The following BUD23 variants were observed in gnomAD, a reference collection of about 807,000 sequenced individuals.
BUD23 encodes BUD23 rRNA methyltransferase and ribosome maturation factor.
Under a neutral mutation model 47.0 loss-of-function variants are expected in BUD23, and 34 were observed. The ratio of observed to expected loss-of-function variants is 0.72; its 90% CI spans 0.55 to 0.96. BUD23 has a LOEUF of 0.96. Among genes scored for constraint, BUD23 ranks in the 40% least tolerant of loss-of-function variants. The pLI is 0.00. For synonymous variants in BUD23, 124 were observed against 132.0 expected (o/e 0.94, Z 0.41); for missense variants, 343 against 361.2 (o/e 0.95, Z 0.41).
intron 6 of BUD23, among the ~76,000 whole-genome samples, chr7:73,691,374 G>C (rs185826922): frequency 6.6e-6 from 1 of 152,132 alleles, no homozygotes; most frequent in Non-Finnish European, 1.5e-5. Context: ...CAGAGATGTC[G>C]TGTCCGGACC....
At chr7:73,693,793 C>A in intron 9 of BUD23, 124 bp downstream of exon 9, 1 of 1,397,192 alleles carries the variant, frequency 7.2e-7, no homozygotes, top group Non-Finnish European at 1.0e-6. Context: ...GAGTGCAGAC[C>A]CTGGAGTGCT....
At chr7:73,683,932 C>T in intron 2 of BUD23, 128 bp downstream of exon 2, 3 of 1,580,664 alleles carry the variant, frequency 1.9e-6, no homozygotes, top group Non-Finnish European at 2.6e-6. Context: ...GGGTGGGTGC[C>T]GATTTCTGTC....
intron 5 of BUD23, among the ~76,000 whole-genome samples, chr7:73,689,167 A>T (rs1798092324): frequency 6.6e-6 from 1 of 152,104 alleles, no homozygotes. Context: ...CTCCTGCCTT[A>T]GCCTCCTGAG....
At chr7:73,687,380 G>T (rs1487655482) in intron 5 of BUD23, among the ~76,000 whole-genome samples, 1 of 152,038 alleles carries the variant, frequency 6.6e-6, no homozygotes, top group East Asian at 1.9e-4. Flanking sequence ...AGGCTCAAGC[G>T]ATTCTCCTGC....
At position 73,692,589 on chromosome 7, in the gene BUD23, C is replaced by A. The variant is rs781970101; in HGVS notation, c.460-7C>A. On this transcript the variant is annotated splice_region_variant and splice_polypyrimidine_tract_variant and intron_variant, in intron 6 of 11. Transcript: ENST00000265758. ...TTGTAAGACAGTGATGTTCCTGTTT[C>A]TTTCAGGTCCGGGGATCCCGAGCTG... is the stretch of plus-strand genomic sequence containing the variant. 6.2e-7 allele frequency: 1 copy of A among 1,613,582 alleles called. No individual in the cohort carries two copies. Among genetic ancestry groups the A allele is most frequent in the South Asian group, 1.1e-5 (1 of 91,060 alleles).
chr7:73,694,211 T>G (rs1402976076), intron 10 of BUD23, 161 bp downstream of exon 10: 8 of 752,512 alleles, frequency 1.1e-5, no homozygotes, highest in Admixed American at 9.8e-5. Context: ...TGTGCCTGTT[T>G]GGGGCTAGGG....
At chr7:73,685,040 C>T (rs531818249) in intron 2 of BUD23, among the ~76,000 whole-genome samples, 1 of 149,204 alleles carries the variant, frequency 6.7e-6, no homozygotes, top group South Asian at 2.2e-4. Flanking sequence ...GGCGCTATGG[C>T]TCATACCAGT....
At chr7:73,683,903 T>A (rs1797829856) in intron 2 of BUD23, 99 bp downstream of exon 2, 3 of 1,607,916 alleles carry the variant, frequency 1.9e-6, no homozygotes, top group Non-Finnish European at 2.5e-6. Flanking sequence ...AATTTGGGGG[T>A]GCGGGAAGGG....
At chr7:73,695,291 CT>C (rs1798359310) in intron 10 of BUD23, 1 of 147,298 alleles carries the variant, frequency 6.8e-6, no homozygotes, top group Non-Finnish European at 1.5e-5. Flanking sequence ...GAGTCTCACT[CT>C]TTCCCCCCAG....
At position 73,687,091 on chromosome 7, in the gene BUD23, A is replaced by C. The variant is rs1554613176; in HGVS notation, c.358A>C (p.Ile120Leu). The change falls in exon 5 of 12, where the codon ATC (isoleucine) becomes CTC (leucine). Residue 120 changes from isoleucine (I) to leucine (L), a missense_variant. Ile to Leu is a conservative substitution (Grantham distance 5). Transcript: ENST00000265758. ...PFKPGTFDGCISISAVQWLCN... is the reference protein window; with the variant it reads ...PFKPGTFDGCLSISAVQWLCN... The stretch of plus-strand genomic sequence containing the variant: ...CAAGCCAGGCACATTTGATGGTTGC[A>C]TCAGGTGAGGGTCTTTAATTCCTGC... The C allele has an allele frequency of 6.2e-7, 1 of 1,613,492 alleles. No homozygotes were observed. Among genetic ancestry groups the C allele is most frequent in the Non-Finnish European group, 8.5e-7 (1 of 1,180,020 alleles).
chr7:73,696,048 A>G (rs782054180), intron 10 of BUD23: 4 of 152,358 alleles, frequency 2.6e-5, no homozygotes, highest in Admixed American at 6.5e-5. Context: ...TTCTGAATGA[A>G]TAATTGATTA....
intron 2 of BUD23, among the ~76,000 whole-genome samples, chr7:73,684,905 C>T (rs1178296059): frequency 9.0e-6 from 1 of 110,724 alleles, no homozygotes; most frequent in African/African-American, 3.8e-5. Flanking sequence ...GCCTGGGCGA[C>T]AGAGCAAGAC....
In BUD23 at chr7:73,697,976, T is replaced by G; in HGVS notation, c.*90T>G. The stretch of plus-strand genomic sequence containing the variant: ...TAGTATTTTAGAAAAGTTCTAAAGT[T>G]ATAAAAATGTTTTCTGCAGTAAAAA... On this transcript the variant is annotated 3_prime_UTR_variant, in exon 12 of 12. Transcript: ENST00000265758. 1 of 1,473,850 alleles carries G rather than the reference T, an allele frequency of 6.8e-7. No homozygotes were observed. Among genetic ancestry groups the G allele is most frequent in the Non-Finnish European group, 9.1e-7 (1 of 1,102,392 alleles). 91.3% of individuals were successfully genotyped at this position (1,473,850 alleles called of 1,614,324 possible). A position where few individuals can be genotyped will look rare whatever the true frequency, so the allele number is the denominator to read the frequency against.
At chr7:73,684,888 C>T (rs1797891523) in intron 2 of BUD23, among the ~76,000 whole-genome samples, 1 of 126,806 alleles carries the variant, frequency 7.9e-6, no homozygotes, top group South Asian at 2.5e-4. Context: ...CACGGCACTG[C>T]ACTCCAGCCT....
At chr7:73,696,989 C>T in intron 10 of BUD23, 1 of 191,726 alleles carries the variant, frequency 5.2e-6, no homozygotes. Context: ...GAGATGACTC[C>T]TCCTGTGTCC....
intron 5 of BUD23, among the ~76,000 whole-genome samples, chr7:73,689,466 G>A (rs1798104777): frequency 6.6e-6 from 1 of 152,082 alleles, no homozygotes; most frequent in South Asian, 2.1e-4. Context: ...AGGTGCTTTA[G>A]GACATGGACC....
At chr7:73,684,166 G>C (rs1166898494) in intron 2 of BUD23, among the ~76,000 whole-genome samples, 1 of 152,096 alleles carries the variant, frequency 6.6e-6, no homozygotes, top group African/African-American at 2.4e-5. Flanking sequence ...GTGGCGCCTT[G>C]TTGCCAATAA....
intron 6 of BUD23, 37 bp downstream of exon 6, chr7:73,691,049 C>T (rs1554613963): frequency 1.3e-6 from 2 of 1,559,528 alleles, no homozygotes; most frequent in East Asian, 4.5e-5. Context: ...GGGTTAGCTG[C>T]CTGTCCCTCC....
In BUD23 at chr7:73,694,021, A is replaced by T. The variant is rs199675248; in HGVS notation, c.672A>T (p.Glu224Asp). The T allele has an allele frequency of 6.2e-7, 1 of 1,612,258 alleles. No homozygotes were observed. Among genetic ancestry groups the T allele is most frequent in the South Asian group, 1.1e-5 (1 of 90,998 alleles). Residue 224 changes from glutamate to aspartate, a missense_variant, in exon 10 of 12, where the codon GAA (glutamate) becomes GAT (aspartate). Glu to Asp is a conservative substitution (Grantham distance 45, BLOSUM62 2). Transcript: ENST00000265758. ...TGAGTGAAAATCAGGATGAAGTTGA[A>T]CCCAGGGAGTCTGTGTTCACCAATG... is the stretch of plus-strand genomic sequence containing the variant. Reference protein sequence around the residue: ...EGLSENQDEVEPRESVFTNER... With the variant: ...EGLSENQDEVDPRESVFTNER...
Sources: gnomAD v4.1 joint callset for allele counts (sites outside exome capture counted in the v4.1 genomes callset) on GRCh38, gnomAD v4.1.1 for gene constraint, MANE v1.5 for transcripts, NCBI Gene and HGNC (gene_info 2026-07-23, HGNC 2026-07-21) for gene names.